GNAI1: variants seen among roughly 807,000 people sequenced by gnomAD.
GNAI1 encodes the protein G protein subunit alpha i1.
GNAI1 carries 11 observed loss-of-function variants against 38.9 expected under a neutral mutation model. The observed-to-expected ratio is 0.28, with a 90% CI of 0.18 to 0.47. The LOEUF is 0.47. Among genes scored for constraint, GNAI1 ranks in the 20% least tolerant of loss-of-function variants. GNAI1 has a pLI of 0.99. For synonymous variants in GNAI1, 166 were observed against 145.1 expected (o/e 1.14, Z -1.04); for missense variants, 317 against 436.9 (o/e 0.73, Z 2.45).
At chr7:80,183,961 C>T (rs1020561176) in intron 1 of GNAI1, among the ~76,000 whole-genome samples, 8 of 152,010 alleles carry the variant, frequency 5.3e-5, no homozygotes, top group African/African-American at 1.7e-4. Context: ...GTTCTCTCTC[C>T]GGTGTTAATG....
At chr7:80,198,869 A>G (rs747817866) in intron 3 of GNAI1, among the ~76,000 whole-genome samples, 2 of 152,216 alleles carry the variant, frequency 1.3e-5, no homozygotes, top group Non-Finnish European at 2.9e-5. Flanking sequence ...GGAAGAAGAC[A>G]TAGGTTCTTC....
intron 1 of GNAI1, among the ~76,000 whole-genome samples, chr7:80,147,784 T>G (rs766029919): frequency 2.6e-5 from 4 of 152,232 alleles, no homozygotes; most frequent in Non-Finnish European, 5.9e-5. Context: ...TTAAACAGCA[T>G]GTGTTCTATA....
intron 3 of GNAI1, among the ~76,000 whole-genome samples, chr7:80,192,772 T>C (rs1788504894): frequency 1.3e-5 from 2 of 152,132 alleles, no homozygotes; most frequent in African/African-American, 4.8e-5. Flanking sequence ...CTCAGCTCAC[T>C]GCAACCTCCG....
rs1207681280 is a variant in GNAI1, at chr7:80,199,154, A to G, written c.304-71A>G. On this transcript the variant is annotated intron_variant, in intron 3 of 7. Transcript: ENST00000649796. Reference sequence around the variant, plus strand: ...ATTGCCTTTTTTTTTTTAACTCTAGAATTGTCTCCTTTGTACTTTTTATCT... The same window carrying G: ...ATTGCCTTTTTTTTTTTAACTCTAGGATTGTCTCCTTTGTACTTTTTATCT... 5.7e-6 allele frequency: 6 copies of G among 1,057,916 alleles called. No homozygotes were observed. In the East Asian group the frequency reaches 1.0e-4, roughly 18 times the overall value. The allele number at this position is 1,057,916 out of a possible 1,614,324, so 65.5% of individuals were successfully genotyped here.
Position 80,218,618 on chromosome 7 carries a change from A to T in GNAI1, c.*1125A>T, listed in dbSNP as rs1444690899. The T allele has an allele frequency of 1.3e-5, 2 of 152,170 alleles. No homozygotes were observed. Among genetic ancestry groups the T allele is most frequent in the African/African-American group, 4.8e-5 (2 of 41,438 alleles). The allele number at this position is 152,170 out of a possible 1,614,324, so 9.4% of individuals were successfully genotyped here. On this transcript the variant is annotated 3_prime_UTR_variant, in exon 8 of 8. Transcript: ENST00000649796. The stretch of plus-strand genomic sequence containing the variant: ...ATGCAAGATTTAAATTTATACATAT[A>T]ACTAATTTCAAATGTAATTATCACA...
Position 80,188,808 on chromosome 7 carries a change from A to G in GNAI1, c.119-143A>G, listed in dbSNP as rs1026408221. On this transcript the variant is annotated intron_variant, in intron 1 of 7. Transcript: ENST00000649796. ...TTGCTGCCTTGTATCTCATTTTAGT[A>G]TAAAACAAAATTCAGCTCTAAGAGG... The G allele has an allele frequency of 3.2e-5, 20 of 620,196 alleles. No individual in the cohort carries two copies. In the South Asian group the frequency reaches 4.0e-4, roughly 12 times the overall value. The allele number at this position is 620,196 out of a possible 1,614,324, so 38.4% of individuals were successfully genotyped here. A position where few individuals can be genotyped will look rare whatever the true frequency, so the allele number is the denominator to read the frequency against.
At chr7:80,192,135 T>TA (rs1156451958) in intron 3 of GNAI1, among the ~76,000 whole-genome samples, 1 of 152,214 alleles carries the variant, frequency 6.6e-6, no homozygotes, top group Non-Finnish European at 1.5e-5. Flanking sequence ...ATATTTCTTT[T>TA]AGTTTTTGAA....
chr7:80,184,201 C>G (rs982763207), intron 1 of GNAI1, among the ~76,000 whole-genome samples: 1 of 152,010 alleles, frequency 6.6e-6, no homozygotes, highest in Non-Finnish European at 1.5e-5. Context: ...GTAGGGAGAC[C>G]GAGAAGTTTT....
rs114793275 is a variant in GNAI1 at position 80,155,912 on chromosome 7, C to T, written c.118+20634C>T. On this transcript the variant is annotated intron_variant, in intron 1 of 7. Coordinates refer to ENST00000649796, the MANE Select transcript of GNAI1 (RefSeq NM_002069.6). ...CTACTAAAATTACAAAAATATTAGGCGTGGTGGCGTATGCCTGTAGTCCCA... is the reference window on the plus strand; with the variant it reads ...CTACTAAAATTACAAAAATATTAGGTGTGGTGGCGTATGCCTGTAGTCCCA... Among the ~76,000 whole-genome samples the T allele has an allele frequency of 3.5e-3, 533 of 151,720 alleles. 6 individuals are homozygous for T. The highest frequency in any genetic ancestry group is 0.013 in the African/African-American group (518 of 41,400).
chr7:80,188,853 T>TGG (rs978138610), intron 1 of GNAI1, 98 bp from the exon 2 acceptor site: 8 of 770,838 alleles, frequency 1.0e-5, no homozygotes, highest in African/African-American at 5.4e-5. Flanking sequence ...AGAGAGAGAC[T>TGG]GGGTGTGTGT....
At chr7:80,195,741 C>T (rs2115656387) in intron 3 of GNAI1, among the ~76,000 whole-genome samples, 1 of 152,088 alleles carries the variant, frequency 6.6e-6, no homozygotes, top group East Asian at 1.9e-4. Context: ...CTCTTAATCT[C>T]ATACATAAAT....
chr7:80,195,740 T>G (rs1788558040), intron 3 of GNAI1, among the ~76,000 whole-genome samples: 1 of 152,032 alleles, frequency 6.6e-6, no homozygotes, highest in Non-Finnish European at 1.5e-5. Flanking sequence ...ACTCTTAATC[T>G]CATACATAAA....
rs377362596 is a variant in GNAI1, at chr7:80,137,293, CTT to C, written c.118+2027_118+2028del. 4.0e-3 allele frequency among the ~76,000 whole-genome samples: 379 copies of C among 95,264 alleles called. 12 individuals carry two copies. The East Asian group carries it at 0.076, about 19-fold the overall frequency. 62.5% of individuals were successfully genotyped at this position (95,264 alleles called of 152,430 possible). ...GAATTCTTATTTCTTTTTCTTTTTT[CTT>C]TTTTTTTTTTTCTTTTCTTTTCTTT... On this transcript the variant is annotated intron_variant, in intron 1 of 7. Transcript: ENST00000649796.
intron 7 of GNAI1, among the ~76,000 whole-genome samples, chr7:80,216,956 C>T (rs145553848): frequency 6.6e-6 from 1 of 152,042 alleles, no homozygotes; most frequent in African/African-American, 2.4e-5. Flanking sequence ...AATAGCATGC[C>T]GTCGTCAAGC....
At chr7:80,151,401 CAA>C (rs201814243) in intron 1 of GNAI1, among the ~76,000 whole-genome samples, 7 of 143,376 alleles carry the variant, frequency 4.9e-5, no homozygotes, top group African/African-American at 1.8e-4. Context: ...ACCACAAAGC[CAA>C]AAAAAAAAAA....
intron 1 of GNAI1, among the ~76,000 whole-genome samples, chr7:80,144,642 C>T (rs556749836): frequency 6.6e-6 from 1 of 152,164 alleles, no homozygotes; most frequent in East Asian, 1.9e-4. Flanking sequence ...CTTGTTTGGG[C>T]ACATACATCT....
rs1342660616 is a variant in GNAI1 at position 80,190,523 on chromosome 7, A to G, written c.303+1292A>G. Among the ~76,000 whole-genome samples, 10 of 152,282 alleles carry G rather than the reference A, an allele frequency of 6.6e-5. No individual in the cohort carries two copies. The East Asian group carries it at 1.9e-3, about 29-fold the overall frequency. ...ATGATCAAATCTTATTTCAGAAAAG[A>G]CATTTTAAAAGAACATTATAAATTA... On this transcript the variant is annotated intron_variant, in intron 3 of 7. Coordinates refer to ENST00000649796, the MANE Select transcript of GNAI1 (RefSeq NM_002069.6).
chr7:80,180,145 C>T (rs187141106), intron 1 of GNAI1, among the ~76,000 whole-genome samples: 320 of 152,196 alleles, frequency 2.1e-3, no homozygotes, highest in Middle Eastern at 3.4e-3. Context: ...AAAACATGAG[C>T]GCAATTAGAC....
Position 80,203,882 on chromosome 7 carries a change from G to C in GNAI1, c.590+50G>C. On this transcript the variant is annotated intron_variant, in intron 5 of 7. Transcript: ENST00000649796. Reference sequence around the variant, plus strand: ...TTCTAAATTTAGATAAAAACACATTGCTTTAGAAATAAAAAGTGTAATAAA... The same window carrying C: ...TTCTAAATTTAGATAAAAACACATTCCTTTAGAAATAAAAAGTGTAATAAA... 2.8e-6 allele frequency: 3 copies of C among 1,057,916 alleles called. No individual in the cohort carries two copies. In the East Asian group the frequency reaches 8.3e-5, roughly 29 times the overall value. 65.5% of individuals were successfully genotyped at this position (1,057,916 alleles called of 1,614,324 possible).
Sources: allele counts gnomAD v4.1 joint callset (sites outside exome capture counted in the v4.1 genomes callset), GRCh38; gene constraint gnomAD v4.1.1; transcripts MANE v1.5; gene names NCBI Gene and HGNC (gene_info 2026-07-23, HGNC 2026-07-21).